Variants in FSIP2 observed in about 807,000 individuals in gnomAD.
The protein encoded by FSIP2 is fibrous sheath interacting protein 2, also known as fibrous sheath-interacting protein 2.
In FSIP2, 367 loss-of-function variants were observed where a neutral mutation model predicts 510.5. The observed-to-expected ratio is 0.72, with a 90% CI of 0.66 to 0.78. The LOEUF is 0.78. FSIP2 is among the 30% of genes least tolerant of loss of function. The pLI is 0.00. For missense variants in FSIP2, 7,594 were observed against 7,901.7 expected, an observed-to-expected ratio of 0.96 and a Z score of 1.48; for synonymous variants, 2,601 against 2,732.2, an observed-to-expected ratio of 0.95 and a Z score of 1.50.
Position 185,806,437 on chromosome 2 carries a change from G to A in FSIP2, c.17131G>A (p.Gly5711Ser), listed in dbSNP as rs1322086336. Reference protein sequence around the residue: ...SKLSYDQSPPGDNVLNVIQEI... With the variant: ...SKLSYDQSPPSDNVLNVIQEI... ...ACTCAGTTATGACCAAAGCCCCCCA[G>A]GTGATAATGTATTAAATGTAATTCA... Residue 5711 changes from glycine (G) to serine (S), a missense_variant, in exon 17 of 23, where the codon GGT (glycine) becomes AGT (serine). Physicochemically the swap from Gly to Ser is moderately conservative, Grantham distance 56. Coordinates refer to ENST00000424728, the MANE Select transcript of FSIP2 (RefSeq NM_173651.4). The A allele has an allele frequency of 4.3e-6, 7 of 1,611,966 alleles. No homozygotes were observed. Among genetic ancestry groups the A allele is most frequent in the East Asian group, 2.2e-5 (1 of 44,780 alleles).
In FSIP2 at chr2:185,794,725, G is replaced by A. The variant is rs752627704; in HGVS notation, c.7589G>A (p.Ser2530Asn). Residue 2530 changes from serine to asparagine, a missense_variant, in exon 16 of 23, where the codon AGT (serine) becomes AAT (asparagine). By Grantham distance (46) the Ser-to-Asn change is conservative. Coordinates refer to ENST00000424728, the MANE Select transcript of FSIP2 (RefSeq NM_173651.4). ...IKTSDTTQKN[S>N]FQSHINSVAN... is the part of the protein sequence containing the mutation. ...ACATCAGACACAACACAGAAAAACA[G>A]TTTTCAATCACATATTAACAGTGTA... 23 of 1,533,872 alleles carry A rather than the reference G, an allele frequency of 1.5e-5. No individual in the cohort carries two copies. The highest frequency in any genetic ancestry group is 2.0e-5 in the Non-Finnish European group (23 of 1,145,462).
intron 13 of FSIP2, among the ~76,000 whole-genome samples, chr2:185,768,743 T>C (rs1286966452): frequency 2.6e-5 from 4 of 152,120 alleles, no homozygotes; most frequent in African/African-American, 9.7e-5. Flanking sequence ...CTAAGCCTAA[T>C]ACTAGTACTC....
chr2:185,738,322 T>G, upstream of FSIP2: 24 of 353,040 alleles, frequency 6.8e-5, no homozygotes, highest in South Asian at 1.9e-4. Context: ...AGTGGGAGAG[T>G]GGTAAAGGGC....
intron 21 of FSIP2, among the ~76,000 whole-genome samples, chr2:185,829,904 A>G (rs948412788): frequency 1.1e-4 from 16 of 151,908 alleles, no homozygotes; most frequent in Admixed American, 2.0e-4. Flanking sequence ...AGGAACCTCA[A>G]AAATCTGTTT....
In FSIP2 at chr2:185,773,940, T is replaced by C. The variant is rs549343209; in HGVS notation, c.1412-8765T>C. ...TGATCATGATTTTTTAAGGCTTATA[T>C]GTAAATGCTGTTATGGGACATATAA... On this transcript the variant is annotated intron_variant, in intron 13 of 22. Transcript: ENST00000424728. 8.1e-4 allele frequency among the ~76,000 whole-genome samples: 123 copies of C among 152,342 alleles called. 1 individual carries two copies. The highest frequency in any genetic ancestry group is 1.4e-3 in the Non-Finnish European group (96 of 68,026).
At position 185,794,316 on chromosome 2, in the gene FSIP2, G is replaced by C. The variant is rs1408655045; in HGVS notation, c.7180G>C (p.Asp2394His). The change falls in exon 16 of 23, where the codon GAC (aspartate) becomes CAC (histidine). Residue 2394 changes from aspartate (D) to histidine (H), a missense_variant. Physicochemically the swap from Asp to His is moderately conservative, Grantham distance 81. Coordinates refer to ENST00000424728, the MANE Select transcript of FSIP2 (RefSeq NM_173651.4). ...QENIIVSEIV[D>H]SMLKMLDDKR... ...AAACATCATTGTGAGTGAAATTGTTGACAGTATGTTAAAGATGTTAGATGA... is the reference window on the plus strand; with the variant it reads ...AAACATCATTGTGAGTGAAATTGTTCACAGTATGTTAAAGATGTTAGATGA... 6.6e-7 allele frequency: 1 copy of C among 1,523,184 alleles called. No homozygotes were observed. The highest frequency in any genetic ancestry group is 2.0e-5 in the Admixed American group (1 of 49,078). 94.4% of individuals were successfully genotyped at this position (1,523,184 alleles called of 1,614,324 possible).
intron 19 of FSIP2, among the ~76,000 whole-genome samples, chr2:185,822,588 A>G (rs1693943838): frequency 6.6e-6 from 1 of 151,946 alleles, no homozygotes; most frequent in African/African-American, 2.4e-5. Context: ...AAGACACCTC[A>G]TGTTTATAGA....
At position 185,790,179 on chromosome 2, in the gene FSIP2, G is replaced by C; in HGVS notation, c.3043G>C (p.Val1015Leu). Residue 1015 changes from valine (V) to leucine (L), a missense_variant, in exon 16 of 23, where the codon GTG becomes CTG. Transcript: ENST00000424728. ...NEEIDNIVKN[V>L]LDSTFKDEKV... ...GGAAATAGACAATATTGTAAAAAAT[G>C]TGCTTGATTCAACTTTCAAAGATGA... The C allele has an allele frequency of 6.5e-7, 1 of 1,531,834 alleles. No homozygotes were observed. Among genetic ancestry groups the C allele is most frequent in the Non-Finnish European group, 8.7e-7 (1 of 1,144,792 alleles). 94.9% of individuals were successfully genotyped at this position (1,531,834 alleles called of 1,614,324 possible).
In FSIP2 at chr2:185,743,115, T is replaced by C; in HGVS notation, c.226-18T>C. On this transcript the variant is annotated intron_variant, in intron 2 of 22. Coordinates refer to ENST00000424728, the MANE Select transcript of FSIP2 (RefSeq NM_173651.4). ...GAAAATGCATTAATTTTACATATTT[T>C]TGAATCTGTGTTTGCAGCTTTTTCG... The C allele has an allele frequency of 7.1e-7, 1 of 1,416,064 alleles. No homozygotes were observed. The highest frequency in any genetic ancestry group is 9.2e-7 in the Non-Finnish European group (1 of 1,083,960). 87.7% of individuals were successfully genotyped at this position (1,416,064 alleles called of 1,614,324 possible).
chr2:185,805,372 T>G lies in FSIP2; in HGVS notation c.16066T>G (p.Tyr5356Asp). The G allele has an allele frequency of 6.3e-7, 1 of 1,597,502 alleles. No individual in the cohort carries two copies. The highest frequency in any genetic ancestry group is 1.1e-5 in the South Asian group (1 of 87,918). The change falls in exon 17 of 23, where the codon TAT (tyrosine) becomes GAT (aspartate). Residue 5356 changes from tyrosine to aspartate, a missense_variant. Coordinates refer to ENST00000424728, the MANE Select transcript of FSIP2 (RefSeq NM_173651.4). ...ETVDKISNFV[Y>D]EQFIEKCTSH... is the part of the protein sequence containing the mutation. ...AGTTGATAAAATATCCAATTTTGTATATGAACAGTTCATAGAAAAATGCAC... is the reference window on the plus strand; with the variant it reads ...AGTTGATAAAATATCCAATTTTGTAGATGAACAGTTCATAGAAAAATGCAC...
intron 21 of FSIP2, 122 bp downstream of exon 21, chr2:185,828,321 TATTCA>T (rs1694051076): frequency 1.6e-6 from 1 of 630,202 alleles, no homozygotes; most frequent in Admixed American, 2.8e-5. Context: ...AGCATTCTCC[TATTCA>T]CAATTTCTTA....
intron 13 of FSIP2, among the ~76,000 whole-genome samples, chr2:185,780,001 A>G (rs1274141555): frequency 6.7e-6 from 1 of 149,894 alleles, no homozygotes; most frequent in Non-Finnish European, 1.5e-5. Flanking sequence ...TGAACCTGGG[A>G]GGCAGAGGTT....
In FSIP2 at chr2:185,803,996, G is replaced by GTTTT; in HGVS notation, c.14691_14694dup (p.Ile4899PhefsTer8). ...GACATACCTGTTTCAAAAATAGCGA[G>GTTTT]TTTTATAATAAAAGAAATCTTTAAC... On this transcript the variant is annotated frameshift_variant, in exon 17 of 23. Transcript: ENST00000424728. LOFTEE classifies it high-confidence loss of function. 1 of 1,496,286 alleles carries GTTTT rather than the reference G, an allele frequency of 6.7e-7. No homozygotes were observed. The highest frequency in any genetic ancestry group is 8.9e-7 in the Non-Finnish European group (1 of 1,126,392). The allele number at this position is 1,496,286 out of a possible 1,614,324, so 92.7% of individuals were successfully genotyped here. A position where few individuals can be genotyped will look rare whatever the true frequency, so the allele number is the denominator to read the frequency against.
chr2:185,820,029 C>T (rs895152719), intron 19 of FSIP2, among the ~76,000 whole-genome samples: 9 of 151,850 alleles, frequency 5.9e-5, no homozygotes, highest in African/African-American at 1.7e-4. Flanking sequence ...GGAGAGACAA[C>T]TAAACAAAAT....
At chr2:185,759,482 CAT>C (rs2105553871) in intron 9 of FSIP2, among the ~76,000 whole-genome samples, 1 of 142,652 alleles carries the variant, frequency 7.0e-6, no homozygotes, top group African/African-American at 2.5e-5. Context: ...TATATATTCA[CAT>C]ATATTTATAT....
intron 7 of FSIP2, among the ~76,000 whole-genome samples, chr2:185,750,822 CTTTTAA>C (rs1190148020): frequency 4.6e-5 from 7 of 151,068 alleles, no homozygotes; most frequent in Non-Finnish European, 7.4e-5. Context: ...TTTAATTTCC[CTTTTAA>C]TTTTATGTTT....
At chr2:185,750,781 C>T (rs750096713) in intron 7 of FSIP2, among the ~76,000 whole-genome samples, 27 of 150,766 alleles carry the variant, frequency 1.8e-4, no homozygotes, top group Non-Finnish European at 3.1e-4. Context: ...TTTTGATATA[C>T]GATGTTTTAT....
intron 22 of FSIP2, 152 bp from the exon 23 acceptor site, chr2:185,832,938 T>C: frequency 1.6e-6 from 1 of 618,614 alleles, no homozygotes; most frequent in Non-Finnish European, 2.8e-6. Context: ...AGAAGCCTCA[T>C]AGTACAGTAG....
Position 185,808,215 on chromosome 2 carries a change from G to A in FSIP2, c.18909G>A (p.Glu6303=), listed in dbSNP as rs757242301. 3.1e-6 allele frequency: 5 copies of A among 1,609,532 alleles called. No homozygotes were observed. Among genetic ancestry groups the A allele is most frequent in the South Asian group, 1.1e-5 (1 of 90,166 alleles). The stretch of plus-strand genomic sequence containing the variant: ...ATTCTGAATTTCAACCTCAAGTAGA[G>A]GAAGAAGTATCAAATTCAGAATTAG... The part of the protein sequence containing the change: ...ISNSEFQPQV[E]EEVSNSELVL... Residue 6303 remains glutamate, a synonymous_variant, in exon 17 of 23, where the codon GAG becomes GAA. Coordinates refer to ENST00000424728, the MANE Select transcript of FSIP2 (RefSeq NM_173651.4).
Sources: gnomAD v4.1 joint callset for allele counts (sites outside exome capture counted in the v4.1 genomes callset) on GRCh38, gnomAD v4.1.1 for gene constraint, MANE v1.5 for transcripts, NCBI Gene and HGNC (gene_info 2026-07-23, HGNC 2026-07-21) for gene names.